EPB41L3: variants seen among roughly 807,000 people sequenced by gnomAD.
The protein encoded by EPB41L3 is band 4.1-like protein 3.
A neutral mutation model predicts 127.1 loss-of-function variants in EPB41L3; 57 were observed. That is an observed-to-expected ratio of 0.45 (90% CI 0.36 to 0.56). The LOEUF (loss-of-function observed/expected upper bound fraction) is 0.56, where lower values mean the gene tolerates loss of function less well. Among genes scored for constraint, EPB41L3 ranks in the 20% least tolerant of loss-of-function variants. The probability of loss-of-function intolerance (pLI) is 0.00; values close to 1 mark genes in which losing one functional copy is unlikely to be tolerated. For synonymous variants in EPB41L3, 572 were observed against 549.5 expected, an observed-to-expected ratio of 1.04 and a Z score of -0.57; for missense variants, 1,273 against 1,372.2, an observed-to-expected ratio of 0.93 and a Z score of 1.14.
chr18:5,449,961 T>C (rs2082064643), intron 3 of EPB41L3, among the ~76,000 whole-genome samples: 1 of 152,240 alleles, frequency 6.6e-6, no homozygotes, highest in Admixed American at 6.5e-5. Context: ...AAAAGTTATG[T>C]GAGTGTAGTC....
intron 1 of EPB41L3, among the ~76,000 whole-genome samples, chr18:5,504,364 G>T (rs1195602247): frequency 1.3e-5 from 2 of 151,976 alleles, no homozygotes; most frequent in Admixed American, 6.6e-5. Context: ...ACTCAATCCT[G>T]AATGTCAAGA....
At position 5,612,104 on chromosome 18, in the gene EPB41L3, C is replaced by A. The variant is rs1437648910; in HGVS notation, c.-306+236G>T. 2.8e-3 allele frequency among the ~76,000 whole-genome samples: 412 copies of A among 145,306 alleles called. 2 individuals are homozygous for A. Among genetic ancestry groups the A allele is most frequent in the Non-Finnish European group, 2.4e-3 (162 of 66,596 alleles). ...ACAATTAGGGCAAAAAAAAAAAAAA[C>A]CACTACTATCAGAATGGTTTTGGAA... On this transcript the variant is annotated intron_variant, in intron 3 of 21. Coordinates refer to the EPB41L3 transcript ENST00000545076.
At chr18:5,421,016 G>A (rs2077405844) in intron 11 of EPB41L3, among the ~76,000 whole-genome samples, 1 of 152,144 alleles carries the variant, frequency 6.6e-6, no homozygotes, top group Non-Finnish European at 1.5e-5. Flanking sequence ...TCTGTGAGAT[G>A]CAACCTTGCA....
intron 11 of EPB41L3, among the ~76,000 whole-genome samples, chr18:5,421,800 A>C (rs1414487737): frequency 6.6e-6 from 1 of 152,086 alleles, no homozygotes; most frequent in Non-Finnish European, 1.5e-5. Context: ...AATATAATGG[A>C]CACTGGAGAC....
intron 3 of EPB41L3, among the ~76,000 whole-genome samples, chr18:5,572,585 T>G (rs531579446): frequency 8.5e-5 from 13 of 152,276 alleles, no homozygotes; most frequent in African/African-American, 2.2e-4. Flanking sequence ...TTTGGTTTTG[T>G]TTTTTAGAGA....
At chr18:5,492,059 C>T (rs2090658618) in intron 1 of EPB41L3, among the ~76,000 whole-genome samples, 1 of 152,292 alleles carries the variant, frequency 6.6e-6, no homozygotes, top group African/African-American at 2.4e-5. Context: ...GTGGCTTACA[C>T]CTGTAATCCC....
Position 5,493,572 on chromosome 18 carries a change from A to C in EPB41L3, c.-11-4378T>G, listed in dbSNP as rs1301248714. On this transcript the variant is annotated intron_variant, in intron 1 of 22. Coordinates refer to ENST00000341928, the MANE Select transcript of EPB41L3 (RefSeq NM_012307.5). ...CTTCTACTGAATTTTTTCTATTTGC[A>C]TGAAAAAAAAATGCCCTAGTATCAT... Among the ~76,000 whole-genome samples, 3 of 146,514 alleles carry C rather than the reference A, an allele frequency of 2.0e-5. No individual in the cohort carries two copies. In the East Asian group the frequency reaches 5.8e-4, roughly 28 times the overall value.
intron 3 of EPB41L3, among the ~76,000 whole-genome samples, chr18:5,580,405 CATAT>C (rs758610463): frequency 4.8e-4 from 73 of 151,968 alleles, no homozygotes; most frequent in Non-Finnish European, 8.5e-4. Context: ...TGTATAGACA[CATAT>C]ATAGATACAT....
chr18:5,473,181 G>C (rs770916016), intron 3 of EPB41L3, among the ~76,000 whole-genome samples: 4 of 152,022 alleles, frequency 2.6e-5, no homozygotes, highest in Non-Finnish European at 4.4e-5. Context: ...CCATTCGCTG[G>C]CATGTTTCCC....
chr18:5,525,341 ACT>A (rs1026521952), intron 1 of EPB41L3, among the ~76,000 whole-genome samples: 5 of 152,122 alleles, frequency 3.3e-5, no homozygotes, highest in African/African-American at 1.2e-4. Context: ...TTTGAAACAA[ACT>A]CTACAAAGAA....
intron 3 of EPB41L3, among the ~76,000 whole-genome samples, chr18:5,560,118 C>T (rs563462936): frequency 5.9e-5 from 9 of 152,266 alleles, no homozygotes; most frequent in South Asian, 4.1e-4. Context: ...TCTCAAAATT[C>T]GTTTGCTGGA....
chr18:5,605,495 C>T (rs2094640904), intron 3 of EPB41L3, among the ~76,000 whole-genome samples: 1 of 152,214 alleles, frequency 6.6e-6, no homozygotes, highest in Admixed American at 6.5e-5. Context: ...ACTACTGCCC[C>T]AGCCTCCCAA....
chr18:5,438,534 G>A lies in EPB41L3; in HGVS notation c.530-424C>T, dbSNP rs987465299. Among the ~76,000 whole-genome samples, 32 of 152,220 alleles carry A rather than the reference G, an allele frequency of 2.1e-4. 1 individual carries two copies. The highest frequency in any genetic ancestry group is 5.8e-4 in the African/African-American group (24 of 41,538). On this transcript the variant is annotated intron_variant, in intron 5 of 22. Transcript: ENST00000341928. ...CCATTTTCTTTGTCCTTTCTGCTCT[G>A]TTATTACAGGTCATATCCAATTATA...
chr18:5,523,988 CAT>C (rs2093113619), intron 1 of EPB41L3, among the ~76,000 whole-genome samples: 1 of 151,846 alleles, frequency 6.6e-6, no homozygotes, highest in East Asian at 1.9e-4. Context: ...TTTATATATA[CAT>C]ATATATGTGT....
At chr18:5,610,529 A>G (rs2094713815) in intron 3 of EPB41L3, among the ~76,000 whole-genome samples, 1 of 152,232 alleles carries the variant, frequency 6.6e-6, no homozygotes, top group Non-Finnish European at 1.5e-5. Flanking sequence ...AAAGATTTGT[A>G]TAAACATACA....
In EPB41L3 at chr18:5,406,449, C is replaced by T. The variant is rs531534742; in HGVS notation, c.2349+328G>A. Among the ~76,000 whole-genome samples the T allele has an allele frequency of 1.2e-4, 18 of 152,116 alleles. No homozygotes were observed. In the South Asian group the frequency reaches 2.5e-3, roughly 21 times the overall value. On this transcript the variant is annotated intron_variant, in intron 16 of 22. Coordinates refer to ENST00000341928, the MANE Select transcript of EPB41L3 (RefSeq NM_012307.5). ...CTCAAGCAAAAGTAGAAAGCATATG[C>T]GGAAAAAGTGTCAATGCATGAAGAG...
At chr18:5,450,215 T>C (rs1189456390) in intron 3 of EPB41L3, among the ~76,000 whole-genome samples, 1 of 151,826 alleles carries the variant, frequency 6.6e-6, no homozygotes, top group Admixed American at 6.6e-5. Flanking sequence ...TAACAGGGGA[T>C]GTGGGGGACA....
chr18:5,455,119 A>C (rs2082838386), intron 3 of EPB41L3, among the ~76,000 whole-genome samples: 1 of 152,190 alleles, frequency 6.6e-6, no homozygotes, highest in Admixed American at 6.5e-5. Flanking sequence ...ACATTGCCTA[A>C]CTCATGGGAA....
intron 1 of EPB41L3, among the ~76,000 whole-genome samples, chr18:5,510,115 C>T (rs772842738): frequency 1.3e-5 from 2 of 152,154 alleles, no homozygotes; most frequent in African/African-American, 2.4e-5. Context: ...TGACTTTGTA[C>T]GTACTGTGAT....
Sources: allele counts gnomAD v4.1 joint callset (sites outside exome capture counted in the v4.1 genomes callset), GRCh38; gene constraint gnomAD v4.1.1; transcripts MANE v1.5; gene names NCBI Gene and HGNC (gene_info 2026-07-23, HGNC 2026-07-21).